The following SMURF1 variants were observed in gnomAD, a reference collection of about 807,000 sequenced individuals.
The protein encoded by SMURF1 is E3 ubiquitin-protein ligase SMURF1.
SMURF1 carries 44 observed loss-of-function variants against 98.0 expected under a neutral mutation model. The ratio of observed to expected loss-of-function variants is 0.45; its 90% CI spans 0.35 to 0.58. SMURF1 has a LOEUF of 0.58. Ranked by LOEUF, SMURF1 falls within the 20% of genes least tolerant of loss-of-function variation. SMURF1 has a pLI of 0.00. For missense variants in SMURF1, 687 were observed against 938.4 expected (o/e 0.73, Z 3.50); for synonymous variants, 396 against 374.9 (o/e 1.06, Z -0.65).
chr7:99,109,801 GA>G (rs1387099919), intron 1 of SMURF1, among the ~76,000 whole-genome samples: 1 of 152,026 alleles, frequency 6.6e-6, no homozygotes, highest in Non-Finnish European at 1.5e-5. Flanking sequence ...CTTAATACAA[GA>G]AAAAGATATA....
rs1414651396 is a variant in SMURF1, at chr7:99,029,917, C to A, written c.*667G>T. The A allele has an allele frequency of 2.3e-4, 35 of 152,202 alleles. No individual in the cohort carries two copies. The highest frequency in any genetic ancestry group is 2.3e-3 in the Admixed American group (35 of 15,278). 9.4% of individuals were successfully genotyped at this position (152,202 alleles called of 1,614,324 possible). On this transcript the variant is annotated 3_prime_UTR_variant, in exon 18 of 18. Transcript: ENST00000361368. The stretch of plus-strand genomic sequence containing the variant: ...TAAAACAAAATTTTCAGCCAAGATA[C>A]CCAGAAAAGAAATATCCTGGGCCTC...
chr7:99,034,567 G>A (rs781164228), intron 16 of SMURF1, among the ~76,000 whole-genome samples: 32 of 152,100 alleles, frequency 2.1e-4, no homozygotes, highest in African/African-American at 4.3e-4. Flanking sequence ...TCCATGGAAT[G>A]GGGCTAATAA....
chr7:99,056,133 C>T (rs1469834064), intron 5 of SMURF1, among the ~76,000 whole-genome samples: 2 of 152,338 alleles, frequency 1.3e-5, no homozygotes, highest in Middle Eastern at 3.4e-3. Flanking sequence ...AAAGAAATTA[C>T]ACGCAGGAAA....
At chr7:99,041,332 G>T (rs566040404) in intron 12 of SMURF1, among the ~76,000 whole-genome samples, 2 of 152,232 alleles carry the variant, frequency 1.3e-5, no homozygotes, top group African/African-American at 4.8e-5. Flanking sequence ...AACCTGGGAG[G>T]CAGAGGTTGC....
chr7:99,036,979 A>C, intron 15 of SMURF1, 88 bp downstream of exon 15: 1 of 1,591,428 alleles, frequency 6.3e-7, no homozygotes. Flanking sequence ...AGAAAGCGGC[A>C]CACACTGCCC....
intron 1 of SMURF1, among the ~76,000 whole-genome samples, chr7:99,129,164 A>G (rs912577140): frequency 7.9e-5 from 12 of 152,226 alleles, no homozygotes; most frequent in African/African-American, 2.9e-4. Context: ...ATATGTTTTG[A>G]AATCTTCAAA....
chr7:99,093,759 A>G lies in SMURF1; in HGVS notation c.56-31922T>C, dbSNP rs1796868477. Among the ~76,000 whole-genome samples the G allele has an allele frequency of 2.6e-5, 4 of 151,950 alleles. No individual in the cohort carries two copies. The South Asian group carries it at 8.3e-4, about 31-fold the overall frequency. On this transcript the variant is annotated intron_variant, in intron 1 of 17. Transcript: ENST00000361368. ...TGGCACTCTATATATGCACTTTTCT[A>G]TATATATATAATTTCAATTTTAAAA...
At chr7:99,126,219 T>C (rs1797740230) in intron 1 of SMURF1, among the ~76,000 whole-genome samples, 1 of 152,192 alleles carries the variant, frequency 6.6e-6, no homozygotes, top group Non-Finnish European at 1.5e-5. Context: ...TATCTTCCTT[T>C]AGAATGACGA....
intron 1 of SMURF1, among the ~76,000 whole-genome samples, chr7:99,084,644 A>G (rs1796640691): frequency 6.6e-6 from 1 of 152,096 alleles, no homozygotes; most frequent in Non-Finnish European, 1.5e-5. Context: ...CGGCCTCCCA[A>G]AGTGCTGGAA....
intron 1 of SMURF1, among the ~76,000 whole-genome samples, chr7:99,072,906 T>C (rs1251010457): frequency 6.6e-6 from 1 of 152,160 alleles, no homozygotes; most frequent in Non-Finnish European, 1.5e-5. Flanking sequence ...ACAGTATAAA[T>C]CAGGGTAAAA....
chr7:99,063,267 ATATATATAT>A (rs1183899267), intron 1 of SMURF1, among the ~76,000 whole-genome samples: 2 of 9,102 alleles, frequency 2.2e-4, no homozygotes, highest in Admixed American at 1.7e-3. Flanking sequence ...ATATATATAT[ATATATATAT>A]ATATATATAT....
At chr7:99,038,563 T>G (rs1432721116) in intron 13 of SMURF1, 38 bp from the exon 14 acceptor site, 1 of 1,600,718 alleles carries the variant, frequency 6.2e-7, no homozygotes, top group Non-Finnish European at 8.5e-7. Flanking sequence ...GTTAGAACTC[T>G]GCCACCACGC....
rs542989554 is a variant in SMURF1, at chr7:99,029,494, T to C, written c.*1090A>G. ...AAGGGGCCACATGAGGCAGTGAGTG[T>C]GAAGTCGTCCCCCTCTGCTGTCACA... On this transcript the variant is annotated 3_prime_UTR_variant, in exon 18 of 18. Transcript: ENST00000361368. The C allele has an allele frequency of 6.6e-6, 1 of 152,222 alleles. No homozygotes were observed. Among genetic ancestry groups the C allele is most frequent in the African/African-American group, 2.4e-5 (1 of 41,446 alleles). 9.4% of individuals were successfully genotyped at this position (152,222 alleles called of 1,614,324 possible).
chr7:99,125,392 A>G (rs1314390539), intron 1 of SMURF1, among the ~76,000 whole-genome samples: 2 of 151,582 alleles, frequency 1.3e-5, no homozygotes, highest in Non-Finnish European at 2.9e-5. Context: ...CAGCCAATAA[A>G]TGTTTCTGTT....
At chr7:99,085,402 C>CTGGGAG (rs1425927400) in intron 1 of SMURF1, among the ~76,000 whole-genome samples, 1 of 151,672 alleles carries the variant, frequency 6.6e-6, no homozygotes, top group Non-Finnish European at 1.5e-5. Context: ...AGAAAGTCTC[C>CTGGGAG]TGGGAGGGAC....
chr7:99,102,040 T>A (rs1261928232), intron 1 of SMURF1, among the ~76,000 whole-genome samples: 1 of 152,168 alleles, frequency 6.6e-6, no homozygotes, highest in Non-Finnish European at 1.5e-5. Context: ...GATATTATGA[T>A]GCACATTTGA....
At chr7:99,058,451 C>T (rs1394657485) in intron 3 of SMURF1, among the ~76,000 whole-genome samples, 1 of 152,042 alleles carries the variant, frequency 6.6e-6, no homozygotes, top group African/African-American at 2.4e-5. Context: ...TTTTAATAGT[C>T]GCATAGGACA....
chr7:99,054,822 C>T lies in SMURF1; in HGVS notation c.447G>A (p.Val149=). ...TRDRIGTGGS[V]VDCRGLLENE... is the part of the protein sequence containing the mutation. ...TTTCTAACAGTCCTCTGCAGTCCAC[C>T]ACCGAGCCGCCGGTTCCTATTCTGT... The change falls in exon 6 of 18, where the codon GTG becomes GTA. Residue 149 remains valine, a synonymous_variant. Transcript: ENST00000361368. 6.2e-7 allele frequency: 1 copy of T among 1,614,124 alleles called. No homozygotes were observed. The highest frequency in any genetic ancestry group is 8.5e-7 in the Non-Finnish European group (1 of 1,180,034).
chr7:99,128,799 G>A (rs1797799248), intron 1 of SMURF1, among the ~76,000 whole-genome samples: 1 of 152,152 alleles, frequency 6.6e-6, no homozygotes, highest in African/African-American at 2.4e-5. Context: ...CTCCCAAACA[G>A]GTTTATTCAA....
Sources: allele counts gnomAD v4.1 joint callset (sites outside exome capture counted in the v4.1 genomes callset), GRCh38; gene constraint gnomAD v4.1.1; transcripts MANE v1.5; gene names NCBI Gene and HGNC (gene_info 2026-07-23, HGNC 2026-07-21).